Variants in PPARG observed in about 807,000 individuals in gnomAD.
The protein encoded by PPARG is peroxisome proliferator-activated receptor gamma.
In PPARG, 17 loss-of-function variants were observed where a neutral mutation model predicts 39.2. The ratio of observed to expected loss-of-function variants is 0.43; its 90% CI spans 0.30 to 0.65. PPARG has a LOEUF of 0.65. Ranked by LOEUF, PPARG falls within the 30% of genes least tolerant of loss-of-function variation. The pLI is 0.13. For missense variants in PPARG, 406 were observed against 585.9 expected (o/e 0.69, Z 3.17); for synonymous variants, 223 against 215.7 (o/e 1.03, Z -0.30).
chr3:12,288,092 GC>G (rs1399207711), upstream of PPARG: 1 of 152,906 alleles, frequency 6.5e-6, no homozygotes, highest in Non-Finnish European at 1.5e-5. Context: ...GGGAGGGGGC[GC>G]GGAGGGCTGG....
intron 2 of PPARG, among the ~76,000 whole-genome samples, chr3:12,315,367 C>T (rs2047361111): frequency 6.6e-6 from 1 of 152,144 alleles, no homozygotes; most frequent in Non-Finnish European, 1.5e-5. Context: ...CAGGTGGATG[C>T]TGTATGTTGG....
intron 5 of PPARG, among the ~76,000 whole-genome samples, chr3:12,404,495 A>C (rs921236367): frequency 6.6e-6 from 1 of 152,218 alleles, no homozygotes; most frequent in African/African-American, 2.4e-5. Flanking sequence ...TACCCTTAGC[A>C]TAATAACATA....
chr3:12,378,039 AG>A (rs1399776388), intron 2 of PPARG, among the ~76,000 whole-genome samples: 1 of 152,212 alleles, frequency 6.6e-6, no homozygotes, highest in African/African-American at 2.4e-5. Context: ...ACTAATCATC[AG>A]GGAAATGCAA....
chr3:12,367,535 C>T (rs1047792887), intron 2 of PPARG, among the ~76,000 whole-genome samples: 6 of 151,704 alleles, frequency 4.0e-5, no homozygotes, highest in African/African-American at 7.3e-5. Flanking sequence ...GTGGCTCATG[C>T]AAGAGGAAAT....
chr3:12,381,427 GT>G lies in PPARG; in HGVS notation c.327del (p.Arg110ValfsTer30). The G allele has an allele frequency of 6.2e-7, 1 of 1,613,600 alleles. No individual in the cohort carries two copies. Among genetic ancestry groups the G allele is most frequent in the Non-Finnish European group, 8.5e-7 (1 of 1,179,784 alleles). On this transcript the variant is annotated frameshift_variant, in exon 4 of 8. Transcript: ENST00000651735. LOFTEE classifies it high-confidence loss of function. ...TCCAACTCCCTCATGGCAATTGAATGTCGTGTCTGTGGAGATAAAGCTTCTG... is the reference window on the plus strand; with the variant it reads ...TCCAACTCCCTCATGGCAATTGAATGCGTGTCTGTGGAGATAAAGCTTCTG... ...EPSNSLMAIE[C>X]RVCGDKASGF...
intron 1 of PPARG, among the ~76,000 whole-genome samples, chr3:12,306,707 T>C (rs1358184371): frequency 2.6e-5 from 4 of 152,240 alleles, no homozygotes; most frequent in Non-Finnish European, 5.9e-5. Flanking sequence ...ATGTGTCTTG[T>C]AAGTAGTAAG....
intron 2 of PPARG, among the ~76,000 whole-genome samples, chr3:12,377,439 A>G (rs993364780): frequency 6.6e-6 from 1 of 152,186 alleles, no homozygotes; most frequent in Non-Finnish European, 1.5e-5. Context: ...CTCCGCTTTA[A>G]GAAAAGGTGT....
chr3:12,322,773 G>A (rs2047580862), intron 2 of PPARG, among the ~76,000 whole-genome samples: 1 of 152,086 alleles, frequency 6.6e-6, no homozygotes, highest in African/African-American at 2.4e-5. Flanking sequence ...GAAGGCACAA[G>A]TGAAACAGAG....
At chr3:12,348,974 C>T (rs1218386513) in intron 2 of PPARG, among the ~76,000 whole-genome samples, 1 of 152,194 alleles carries the variant, frequency 6.6e-6, no homozygotes, top group Non-Finnish European at 1.5e-5. Flanking sequence ...GGGATAGTCA[C>T]GTGCATGTCT....
At chr3:12,323,770 A>C (rs544405696) in intron 2 of PPARG, among the ~76,000 whole-genome samples, 42 of 152,280 alleles carry the variant, frequency 2.8e-4, no homozygotes, top group African/African-American at 8.2e-4. Flanking sequence ...TAAAAAAAAA[A>C]AGAGTAAGGC....
At chr3:12,431,537 T>A (rs1264373106) in intron 7 of PPARG, among the ~76,000 whole-genome samples, 2 of 152,198 alleles carry the variant, frequency 1.3e-5, no homozygotes, top group Admixed American at 1.3e-4. Context: ...ACACAATTTT[T>A]AAAAACAGAC....
intron 7 of PPARG, 103 bp from the exon 8 acceptor site, chr3:12,433,795 A>C: frequency 1.9e-6 from 3 of 1,546,214 alleles, no homozygotes. Flanking sequence ...CAAACCAAAA[A>C]TACAGATGAG....
chr3:12,346,998 A>G (rs992059518), intron 2 of PPARG, among the ~76,000 whole-genome samples: 1 of 152,162 alleles, frequency 6.6e-6, no homozygotes, highest in Non-Finnish European at 1.5e-5. Flanking sequence ...CATAAAATAT[A>G]TTACTTTTGA....
At position 12,311,777 on chromosome 3, in the gene PPARG, T is replaced by C. The variant is rs540723386; in HGVS notation, c.-82-603T>C. Among the ~76,000 whole-genome samples, 7 of 152,302 alleles carry C rather than the reference T, an allele frequency of 4.6e-5. No individual in the cohort carries two copies. In the South Asian group the frequency reaches 8.3e-4, roughly 18 times the overall value. The stretch of plus-strand genomic sequence containing the variant: ...TGTGAATCCTAAGACCCTAGGACCA[T>C]TTACTTAGATGATCTGCTCTCTGGT... On this transcript the variant is annotated intron_variant, in intron 1 of 7. Coordinates refer to ENST00000651735, the MANE Select transcript of PPARG (RefSeq NM_138711.6).
At position 12,380,256 on chromosome 3, in the gene PPARG, T is replaced by G. The variant is rs530155112; in HGVS notation, c.220+325T>G. ...GGCTAAGAGTCCATCATCCAAACTT[T>G]GAATTATTTTGGCCCCTTATAAGTT... On this transcript the variant is annotated intron_variant, in intron 3 of 7. Transcript: ENST00000651735. Among the ~76,000 whole-genome samples the G allele has an allele frequency of 2.0e-5, 3 of 152,260 alleles. No homozygotes were observed. In the South Asian group the frequency reaches 6.2e-4, roughly 32 times the overall value.
At chr3:12,404,648 A>T (rs182992172) in intron 5 of PPARG, among the ~76,000 whole-genome samples, 1 of 152,282 alleles carries the variant, frequency 6.6e-6, no homozygotes, top group African/African-American at 2.4e-5. Flanking sequence ...TACTAAAAAT[A>T]CAAAACTGAG....
chr3:12,333,617 T>A (rs1289502175), intron 2 of PPARG, among the ~76,000 whole-genome samples: 2 of 152,164 alleles, frequency 1.3e-5, no homozygotes. Context: ...AGCCACGTTC[T>A]GAGCTATGGT....
intron 4 of PPARG, 115 bp downstream of exon 4, chr3:12,381,606 C>A: frequency 9.1e-7 from 1 of 1,094,320 alleles, no homozygotes; most frequent in Non-Finnish European, 1.3e-6. Context: ...GGAAGAGTAT[C>A]TTGCTCTGTC....
In PPARG at chr3:12,333,557, C is replaced by T. The variant is rs371250670; in HGVS notation, c.-9+21104C>T. 4.6e-5 allele frequency among the ~76,000 whole-genome samples: 7 copies of T among 152,214 alleles called. No individual in the cohort carries two copies. In the South Asian group the frequency reaches 6.2e-4, roughly 14 times the overall value. On this transcript the variant is annotated intron_variant, in intron 2 of 7. Coordinates refer to ENST00000651735, the MANE Select transcript of PPARG (RefSeq NM_138711.6). The stretch of plus-strand genomic sequence containing the variant: ...GTGGCTCACTGCAACCTCAACCTAC[C>T]GGGCTCGAGTGATCCTCAGCTGTGC...
Sources: gnomAD v4.1 joint callset for allele counts (sites outside exome capture counted in the v4.1 genomes callset) on GRCh38, gnomAD v4.1.1 for gene constraint, MANE v1.5 for transcripts, NCBI Gene and HGNC (gene_info 2026-07-23, HGNC 2026-07-21) for gene names.